Variants in DOCK1 observed in about 807,000 individuals in gnomAD.
DOCK1 encodes the protein dedicator of cytokinesis 1, also known as dedicator of cytokinesis protein 1.
In DOCK1, 138 loss-of-function variants were observed where a neutral mutation model predicts 262.7. That is an observed-to-expected ratio of 0.53 (90% CI 0.46 to 0.61). The LOEUF is 0.61. Among genes scored for constraint, DOCK1 ranks in the 20% least tolerant of loss-of-function variants. The probability of loss-of-function intolerance (pLI) is 0.00; values close to 1 mark genes in which losing one functional copy is unlikely to be tolerated. For missense variants in DOCK1, 1,908 were observed against 2,370.7 expected, an observed-to-expected ratio of 0.80 and a Z score of 4.05; for synonymous variants, 866 against 867.4, an observed-to-expected ratio of 1.00 and a Z score of 0.03.
intron 46 of DOCK1, among the ~76,000 whole-genome samples, chr10:127,422,717 G>A (rs2134513012): frequency 6.6e-6 from 1 of 152,294 alleles, no homozygotes; most frequent in South Asian, 2.1e-4. Context: ...CTAAAAAAGT[G>A]GGAGAGAGTT....
chr10:127,039,587 T>C (rs1004252423), intron 19 of DOCK1, among the ~76,000 whole-genome samples: 1 of 152,144 alleles, frequency 6.6e-6, no homozygotes, highest in African/African-American at 2.4e-5. Context: ...CTTGCCTAAC[T>C]TTGTGCTTTT....
At chr10:127,166,864 A>T (rs187394239) in intron 27 of DOCK1, among the ~76,000 whole-genome samples, 173 of 152,130 alleles carry the variant, frequency 1.1e-3, no homozygotes, top group African/African-American at 4.1e-3. Context: ...TTTATCTGCA[A>T]ATGGGCTGTC....
At chr10:127,099,531 A>G (rs2048109082) in intron 23 of DOCK1, among the ~76,000 whole-genome samples, 3 of 152,164 alleles carry the variant, frequency 2.0e-5, no homozygotes, top group African/African-American at 7.2e-5. Flanking sequence ...GGGCTTCCAG[A>G]AGCTTCTGCT....
chr10:126,919,954 G>T (rs376673846), intron 1 of DOCK1, among the ~76,000 whole-genome samples: 1 of 152,206 alleles, frequency 6.6e-6, no homozygotes, highest in Admixed American at 6.5e-5. Flanking sequence ...TTGGTGGGGA[G>T]TTACGTCTTG....
intron 29 of DOCK1, among the ~76,000 whole-genome samples, chr10:127,333,829 G>A (rs758555848): frequency 2.0e-5 from 3 of 152,180 alleles, no homozygotes; most frequent in Non-Finnish European, 4.4e-5. Context: ...ATTTTGTAAG[G>A]TGTCAGTGGA....
chr10:127,257,853 A>G (rs918764093), intron 29 of DOCK1: 1 of 154,718 alleles, frequency 6.5e-6, no homozygotes, highest in African/African-American at 2.4e-5. Context: ...CATTTTCTTC[A>G]TACTCATTAA....
At chr10:127,316,219 T>C (rs1219779950) in intron 29 of DOCK1, among the ~76,000 whole-genome samples, 1 of 152,324 alleles carries the variant, frequency 6.6e-6, no homozygotes, top group East Asian at 1.9e-4. Flanking sequence ...TGATACAATA[T>C]TATTAACTCT....
At chr10:127,231,405 A>C (rs1281530325) in intron 27 of DOCK1, among the ~76,000 whole-genome samples, 1 of 152,018 alleles carries the variant, frequency 6.6e-6, no homozygotes, top group Non-Finnish European at 1.5e-5. Flanking sequence ...TCAGTGCATG[A>C]ATTTCTTTTT....
chr10:127,374,397 T>G (rs547555089), intron 35 of DOCK1, among the ~76,000 whole-genome samples, 183 bp downstream of exon 35: 2 of 152,252 alleles, frequency 1.3e-5, no homozygotes, highest in East Asian at 1.9e-4. Flanking sequence ...TCTGAATAAG[T>G]CTGTAAAATT....
chr10:127,106,158 A>G, intron 23 of DOCK1, 73 bp from the exon 24 acceptor site: 2 of 1,458,848 alleles, frequency 1.4e-6, no homozygotes, highest in Non-Finnish European at 1.9e-6. Flanking sequence ...GGTTCTTCTC[A>G]TAAGGATTAC....
intron 43 of DOCK1, among the ~76,000 whole-genome samples, chr10:127,412,775 C>T (rs1043659073): frequency 6.6e-6 from 1 of 152,228 alleles, no homozygotes; most frequent in Non-Finnish European, 1.5e-5. Context: ...TCTTAAGAGC[C>T]ATGGGGAAGT....
chr10:127,130,013 G>T (rs1406523486), intron 27 of DOCK1, among the ~76,000 whole-genome samples: 1 of 151,094 alleles, frequency 6.6e-6, no homozygotes, highest in East Asian at 1.9e-4. Flanking sequence ...CTGGTTAGGG[G>T]GTGTGGTCCT....
At position 126,951,331 on chromosome 10, in the gene DOCK1, G is replaced by A. The variant is rs1034461977; in HGVS notation, c.47-19371G>A. ...TAGTATTGTTGGTAGTATTGTTGGTGATAGTGGTGATGGTAGTATTGTTGA... is the reference window on the plus strand; with the variant it reads ...TAGTATTGTTGGTAGTATTGTTGGTAATAGTGGTGATGGTAGTATTGTTGA... On this transcript the variant is annotated intron_variant, in intron 1 of 51. Transcript: ENST00000623213. 2.1e-3 allele frequency among the ~76,000 whole-genome samples: 317 copies of A among 151,752 alleles called. 3 individuals carry two copies. The highest frequency in any genetic ancestry group is 0.01 in the Middle Eastern group (3 of 294).
intron 27 of DOCK1, among the ~76,000 whole-genome samples, chr10:127,139,095 TG>T (rs2050978936): frequency 6.6e-6 from 1 of 152,218 alleles, no homozygotes; most frequent in South Asian, 2.1e-4. Flanking sequence ...ATGTCTGGTC[TG>T]GATGCCAGAC....
intron 4 of DOCK1, among the ~76,000 whole-genome samples, chr10:126,983,970 G>A (rs778293549): frequency 2.6e-5 from 4 of 152,146 alleles, no homozygotes; most frequent in Non-Finnish European, 1.5e-5. Context: ...CCTTGGACAC[G>A]TTGGTCCTTG....
intron 27 of DOCK1, among the ~76,000 whole-genome samples, chr10:127,147,355 G>A (rs1220976125): frequency 2.0e-5 from 3 of 152,100 alleles, no homozygotes; most frequent in African/African-American, 7.2e-5. Flanking sequence ...GAGGGCTCTA[G>A]AGAGGCCATC....
intron 1 of DOCK1, among the ~76,000 whole-genome samples, chr10:126,948,835 C>A (rs891176335): frequency 3.9e-5 from 6 of 152,050 alleles, no homozygotes; most frequent in Non-Finnish European, 7.4e-5. Flanking sequence ...GAACCTTGCC[C>A]CCTATGCCTT....
chr10:127,272,413 CA>C (rs1033041606), intron 29 of DOCK1, among the ~76,000 whole-genome samples: 2 of 152,158 alleles, frequency 1.3e-5, no homozygotes, highest in African/African-American at 4.8e-5. Context: ...CATGGACACA[CA>C]GAGTCCTAGG....
intron 48 of DOCK1, among the ~76,000 whole-genome samples, chr10:127,438,543 C>T (rs954878488): frequency 6.6e-6 from 1 of 152,202 alleles, no homozygotes; most frequent in African/African-American, 2.4e-5. Context: ...TGGCTTGCTT[C>T]TGACTGAGCC....
Sources: gnomAD v4.1 joint callset for allele counts (sites outside exome capture counted in the v4.1 genomes callset) on GRCh38, gnomAD v4.1.1 for gene constraint, MANE v1.5 for transcripts, NCBI Gene and HGNC (gene_info 2026-07-23, HGNC 2026-07-21) for gene names.